CACNA1E: variants seen among roughly 807,000 people sequenced by gnomAD.
CACNA1E encodes the protein calcium voltage-gated channel subunit alpha1 E.
A neutral mutation model predicts 259.2 loss-of-function variants in CACNA1E; 40 were observed. The observed-to-expected ratio is 0.15, with a 90% CI of 0.12 to 0.20. CACNA1E has a LOEUF of 0.20. Ranked by LOEUF, CACNA1E falls within the 10% of genes least tolerant of loss-of-function variation. The pLI is 1.00. For missense variants in CACNA1E, 1,874 were observed against 3,040.1 expected (o/e 0.62, Z 9.02); for synonymous variants, 1,104 against 1,138.5 (o/e 0.97, Z 0.61).
chr1:181,699,058 A>G (rs763262501), intron 7 of CACNA1E, among the ~76,000 whole-genome samples: 1 of 152,220 alleles, frequency 6.6e-6, no homozygotes, highest in Non-Finnish European at 1.5e-5. Context: ...GCTTGTTTTC[A>G]GAAGGTCCTG....
intron 1 of CACNA1E, among the ~76,000 whole-genome samples, chr1:181,358,247 C>T (rs573201187): frequency 6.6e-6 from 1 of 152,306 alleles, no homozygotes; most frequent in East Asian, 1.9e-4. Flanking sequence ...TAGCAGTAGT[C>T]TTTCTCTTGT....
rs1655513797 is a variant in CACNA1E at position 181,731,871 on chromosome 1, A to G, written c.2298-513A>G. ...GAGGGTGATATCAAGACTTTTTGTA[A>G]TAAGTCTGCCTGGCACTCTTCTTAC... On this transcript the variant is annotated intron_variant, in intron 19 of 47. Coordinates refer to ENST00000367573, the MANE Select transcript of CACNA1E (RefSeq NM_001205293.3). 2.6e-5 allele frequency among the ~76,000 whole-genome samples: 4 copies of G among 152,138 alleles called. No homozygotes were observed. The South Asian group carries it at 8.3e-4, about 32-fold the overall frequency.
At position 181,483,703 on chromosome 1, in the gene CACNA1E, C is replaced by A. The variant is rs760624104; in HGVS notation, c.-42C>A. ...TTGTTGCTGTGTGCGGGTGTTCGGC[C>A]GCGATCACCTTTGTGTGTCTTCTGT... On this transcript the variant is annotated 5_prime_UTR_variant, in exon 1 of 48. Transcript: ENST00000367573. The A allele has an allele frequency of 7.3e-6, 11 of 1,499,806 alleles. No individual in the cohort carries two copies. The highest frequency in any genetic ancestry group is 1.4e-5 in the African/African-American group (1 of 70,966). The allele number at this position is 1,499,806 out of a possible 1,614,324, so 92.9% of individuals were successfully genotyped here. A position where few individuals can be genotyped will look rare whatever the true frequency, so the allele number is the denominator to read the frequency against.
At chr1:181,404,404 A>G (rs1241423952) in intron 1 of CACNA1E, among the ~76,000 whole-genome samples, 1 of 152,204 alleles carries the variant, frequency 6.6e-6, no homozygotes, top group Non-Finnish European at 1.5e-5. Context: ...GCATTTATTG[A>G]GCTAAAAATC....
At chr1:181,433,884 T>C (rs1305446112) in intron 2 of CACNA1E, among the ~76,000 whole-genome samples, 2 of 152,252 alleles carry the variant, frequency 1.3e-5, no homozygotes. Context: ...ATAAACTTAG[T>C]ATCTGCCCTG....
At chr1:181,336,376 G>A (rs1375683418) in intron 1 of CACNA1E, among the ~76,000 whole-genome samples, 3 of 152,162 alleles carry the variant, frequency 2.0e-5, no homozygotes, top group African/African-American at 4.8e-5. Flanking sequence ...ACAACTCAAT[G>A]CAGTATATTA....
intron 7 of CACNA1E, among the ~76,000 whole-genome samples, chr1:181,697,054 G>A (rs1436481663): frequency 6.6e-6 from 1 of 152,140 alleles, no homozygotes; most frequent in African/African-American, 2.4e-5. Context: ...TGGAGTTCAG[G>A]GGCTTTTCTG....
intron 6 of CACNA1E, among the ~76,000 whole-genome samples, chr1:181,593,401 T>C (rs1358788470): frequency 2.6e-5 from 4 of 152,222 alleles, no homozygotes; most frequent in African/African-American, 9.6e-5. Flanking sequence ...AAATACAGTA[T>C]TTATATTTTG....
intron 2 of CACNA1E, among the ~76,000 whole-genome samples, chr1:181,446,274 T>C (rs1186856552): frequency 6.6e-6 from 1 of 152,180 alleles, no homozygotes; most frequent in Non-Finnish European, 1.5e-5. Context: ...CAGCACAGCT[T>C]AGATTTTGCC....
intron 2 of CACNA1E, among the ~76,000 whole-genome samples, chr1:181,456,662 G>C (rs1661479171): frequency 1.3e-5 from 2 of 152,170 alleles, no homozygotes; most frequent in Non-Finnish European, 2.9e-5. Flanking sequence ...TATGTGCCTG[G>C]AGTTGAGAGC....
chr1:181,326,833 C>T (rs954911250), intron 1 of CACNA1E, among the ~76,000 whole-genome samples: 3 of 152,156 alleles, frequency 2.0e-5, no homozygotes, highest in Non-Finnish European at 4.4e-5. Flanking sequence ...CAAATGGTAC[C>T]GCCCTCCGTC....
At chr1:181,440,223 A>G (rs1440036258) in intron 2 of CACNA1E, among the ~76,000 whole-genome samples, 2 of 152,020 alleles carry the variant, frequency 1.3e-5, no homozygotes, top group Admixed American at 6.5e-5. Flanking sequence ...CAATTGTCGT[A>G]TGCTTCCATA....
intron 1 of CACNA1E, among the ~76,000 whole-genome samples, chr1:181,495,278 G>GA (rs1180049451): frequency 2.0e-5 from 3 of 152,202 alleles, no homozygotes; most frequent in Non-Finnish European, 4.4e-5. Flanking sequence ...GGGTATTAGG[G>GA]GGTCGTTGTT....
At chr1:181,507,154 T>G (rs993706282) in intron 1 of CACNA1E, among the ~76,000 whole-genome samples, 1 of 152,240 alleles carries the variant, frequency 6.6e-6, no homozygotes, top group African/African-American at 2.4e-5. Context: ...GAATAGGGTC[T>G]TCTTAGAACC....
intron 6 of CACNA1E, among the ~76,000 whole-genome samples, chr1:181,597,817 A>G (rs942820412): frequency 6.6e-6 from 1 of 152,182 alleles, no homozygotes; most frequent in African/African-American, 2.4e-5. Flanking sequence ...GAGCTTGTAC[A>G]GAAAAACTCC....
intron 3 of CACNA1E, among the ~76,000 whole-genome samples, chr1:181,562,947 CT>C (rs886132342): frequency 2.1e-4 from 32 of 152,186 alleles, no homozygotes; most frequent in Admixed American, 6.5e-4. Flanking sequence ...AGGCACAATT[CT>C]TTTTTAATTA....
intron 32 of CACNA1E, among the ~76,000 whole-genome samples, chr1:181,759,249 A>C (rs929217222): frequency 7.9e-5 from 12 of 152,332 alleles, no homozygotes; most frequent in Admixed American, 6.5e-4. Flanking sequence ...GAAAATAACT[A>C]TCTCTCTTAG....
chr1:181,405,131 C>G (rs1657373602), intron 1 of CACNA1E, among the ~76,000 whole-genome samples: 1 of 152,240 alleles, frequency 6.6e-6, no homozygotes, highest in African/African-American at 2.4e-5. Flanking sequence ...CTGTCCATAA[C>G]TTTACTGCAG....
intron 1 of CACNA1E, among the ~76,000 whole-genome samples, chr1:181,488,510 G>C (rs1187065830): frequency 2.0e-5 from 3 of 152,186 alleles, no homozygotes; most frequent in Non-Finnish European, 4.4e-5. Context: ...TTGCCTGTTG[G>C]CTTTGCTTTT....
Sources: allele counts gnomAD v4.1 joint callset (sites outside exome capture counted in the v4.1 genomes callset), GRCh38; gene constraint gnomAD v4.1.1; transcripts MANE v1.5; gene names NCBI Gene and HGNC (gene_info 2026-07-23, HGNC 2026-07-21).